Variants in MALRD1 observed in about 807,000 individuals in gnomAD.
MALRD1 encodes MAM and LDL receptor class A domain containing 1.
A neutral mutation model predicts 242.1 loss-of-function variants in MALRD1; 247 were observed. The ratio of observed to expected loss-of-function variants is 1.02; its 90% CI spans 0.92 to 1.13. The LOEUF (loss-of-function observed/expected upper bound fraction) is 1.13, where lower values mean the gene tolerates loss of function less well. Ranked by LOEUF, MALRD1 falls within the 50% of genes most tolerant of loss-of-function variation. The probability of loss-of-function intolerance (pLI) is 0.00; values close to 1 mark genes in which losing one functional copy is unlikely to be tolerated. For synonymous variants in MALRD1, 995 were observed against 866.6 expected (o/e 1.15, Z -2.60); for missense variants, 2,989 against 2,533.1 (o/e 1.18, Z -3.86).
Position 19,517,688 on chromosome 10 carries a change from G to A in MALRD1, c.5321-13506G>A, listed in dbSNP as rs141343316. Among the ~76,000 whole-genome samples the A allele has an allele frequency of 1.2e-3, 183 of 152,230 alleles. 2 individuals are homozygous for A. The highest frequency in any genetic ancestry group is 0.011 in the Admixed American group (163 of 15,296). ...TACCTATTGGATCCAGTCCAGTTTT[G>A]TTATGAAGTTCAGTATGAGCCTGGG... is the stretch of plus-strand genomic sequence containing the variant. On this transcript the variant is annotated intron_variant, in intron 31 of 39. Coordinates refer to ENST00000454679, the MANE Select transcript of MALRD1 (RefSeq NM_001142308.3).
In MALRD1 at chr10:19,595,247, T is replaced by G; in HGVS notation, c.5734T>G (p.Tyr1912Asp). Residue 1912 changes from tyrosine to aspartate, a missense_variant, in exon 34 of 40, where the codon TAC (tyrosine) becomes GAC (aspartate). By Grantham distance (160) the Tyr-to-Asp change is radical. Transcript: ENST00000454679. ...TGAAGCTGATCAGTTTTCTTGTATC[T>G]ACACACTCCAATGTGTCCCTCTCTC... ...PCEADQFSCI[Y>D]TLQCVPLSGK... The G allele has an allele frequency of 6.4e-7, 1 of 1,550,584 alleles. No individual in the cohort carries two copies. Among genetic ancestry groups the G allele is most frequent in the Admixed American group, 2.0e-5 (1 of 50,992 alleles).
chr10:19,284,532 G>A (rs1273173919), intron 21 of MALRD1, among the ~76,000 whole-genome samples: 9 of 151,082 alleles, frequency 6.0e-5, no homozygotes, highest in Non-Finnish European at 4.4e-5. Context: ...ATAGTTTACT[G>A]AGAATGATGG....
chr10:19,244,429 G>A (rs1838948657), intron 18 of MALRD1, among the ~76,000 whole-genome samples: 1 of 152,044 alleles, frequency 6.6e-6, no homozygotes, highest in East Asian at 1.9e-4. Flanking sequence ...ATATTAGCTG[G>A]ATATGGTGGC....
chr10:19,500,061 C>T (rs1837901992), intron 31 of MALRD1, among the ~76,000 whole-genome samples: 1 of 152,036 alleles, frequency 6.6e-6, no homozygotes, highest in African/African-American at 2.4e-5. Flanking sequence ...GGGATATTGG[C>T]CTGTAGTTTA....
At chr10:19,463,666 C>T (rs1836064861) in intron 29 of MALRD1, among the ~76,000 whole-genome samples, 1 of 151,912 alleles carries the variant, frequency 6.6e-6, no homozygotes, top group South Asian at 2.1e-4. Context: ...AACTGTGCTG[C>T]TATAAACATG....
intron 14 of MALRD1, among the ~76,000 whole-genome samples, chr10:19,178,141 C>A (rs1280522597): frequency 3.9e-5 from 6 of 152,100 alleles, no homozygotes; most frequent in Non-Finnish European, 8.8e-5. Context: ...ATGGAGAATT[C>A]TTTTCTTAAA....
intron 31 of MALRD1, among the ~76,000 whole-genome samples, chr10:19,499,523 G>A (rs1312602136): frequency 6.6e-6 from 1 of 151,902 alleles, no homozygotes; most frequent in Non-Finnish European, 1.5e-5. Flanking sequence ...CTGCACCATG[G>A]GCTTTTATGG....
chr10:19,545,135 C>G (rs996877196), intron 32 of MALRD1, among the ~76,000 whole-genome samples: 2 of 152,176 alleles, frequency 1.3e-5, no homozygotes, highest in African/African-American at 4.8e-5. Context: ...CTCACAAGGT[C>G]TTCCCTCTAT....
At position 19,620,168 on chromosome 10, in the gene MALRD1, A is replaced by T. The variant is rs565468832; in HGVS notation, c.6137+4245A>T. Among the ~76,000 whole-genome samples the T allele has an allele frequency of 7.6e-4, 116 of 151,982 alleles. 1 individual carries two copies. Among genetic ancestry groups the T allele is most frequent in the African/African-American group, 2.4e-3 (98 of 41,466 alleles). The stretch of plus-strand genomic sequence containing the variant: ...TTTAAGGAGGAGAGGTACATTTAAA[A>T]TTTTTTTTACTTATTTATTAACTTT... On this transcript the variant is annotated intron_variant, in intron 36 of 39. Transcript: ENST00000454679.
chr10:19,088,168 A>C lies in MALRD1; in HGVS notation c.580A>C (p.Ser194Arg). 1 of 1,233,370 alleles carries C rather than the reference A, an allele frequency of 8.1e-7. No homozygotes were observed. The highest frequency in any genetic ancestry group is 4.1e-5 in the South Asian group (1 of 24,410). 76.4% of individuals were successfully genotyped at this position (1,233,370 alleles called of 1,614,324 possible). A position where few individuals can be genotyped will look rare whatever the true frequency, so the allele number is the denominator to read the frequency against. ...QWERNVIKIQ[S>R]SQRFQVVFEG... ...GGAGAGAAATGTCATCAAAATCCAG[A>C]GTTCACAGAGATTTCAGGTATGTGT... Residue 194 changes from serine to arginine, a missense_variant, in exon 4 of 40, where the codon AGT becomes CGT. Ser to Arg is a moderately radical substitution (Grantham distance 110). Transcript: ENST00000454679.
At chr10:19,654,234 TAA>T (rs34735994) in intron 36 of MALRD1, among the ~76,000 whole-genome samples, 63,970 of 151,816 alleles carry the variant, frequency 0.42, 14,153 homozygotes, top group Non-Finnish European at 0.5. Context: ...ATTTGATGGA[TAA>T]AAGACTAAGC....
chr10:19,637,437 T>C (rs554001832), intron 36 of MALRD1, among the ~76,000 whole-genome samples: 1 of 152,268 alleles, frequency 6.6e-6, no homozygotes, highest in East Asian at 1.9e-4. Context: ...TCAAGTTGAT[T>C]AATTGTCACC....
At chr10:19,131,319 T>TG (rs1833094589) in intron 8 of MALRD1, among the ~76,000 whole-genome samples, 1 of 152,172 alleles carries the variant, frequency 6.6e-6, no homozygotes, top group South Asian at 2.1e-4. Flanking sequence ...TGCTGAAGGT[T>TG]GTTTTCTTTA....
At chr10:19,542,229 G>C (rs567960545) in intron 32 of MALRD1, among the ~76,000 whole-genome samples, 1 of 151,898 alleles carries the variant, frequency 6.6e-6, no homozygotes, top group Non-Finnish European at 1.5e-5. Context: ...TGGAAGTCTC[G>C]GTCTGAAGCT....
At chr10:19,587,071 C>T (rs924138229) in intron 33 of MALRD1, among the ~76,000 whole-genome samples, 3 of 152,236 alleles carry the variant, frequency 2.0e-5, no homozygotes, top group Non-Finnish European at 2.9e-5. Flanking sequence ...GGCAATGCCT[C>T]GCCCTGCTTC....
intron 21 of MALRD1, among the ~76,000 whole-genome samples, chr10:19,305,771 AC>A (rs1389019059): frequency 2.1e-5 from 3 of 143,566 alleles, no homozygotes; most frequent in African/African-American, 7.6e-5. Context: ...ATATATATAC[AC>A]TATACTATAT....
chr10:19,572,139 T>C (rs571302646), intron 33 of MALRD1, among the ~76,000 whole-genome samples: 44 of 152,308 alleles, frequency 2.9e-4, no homozygotes, highest in Middle Eastern at 3.4e-3. Flanking sequence ...CATTATTACT[T>C]CTCTGTCCTA....
intron 34 of MALRD1, among the ~76,000 whole-genome samples, chr10:19,602,343 C>G (rs993385138): frequency 7.9e-6 from 1 of 127,032 alleles, no homozygotes; most frequent in Non-Finnish European, 1.6e-5. Context: ...TATCCCTCCC[C>G]CCTCCCCCCA....
chr10:19,342,424 A>G (rs1472842136), intron 24 of MALRD1, among the ~76,000 whole-genome samples: 1 of 152,168 alleles, frequency 6.6e-6, no homozygotes, highest in Admixed American at 6.6e-5. Context: ...GCCCTAGAGC[A>G]AAAACAAAGA....
Sources: gnomAD v4.1 joint callset for allele counts (sites outside exome capture counted in the v4.1 genomes callset) on GRCh38, gnomAD v4.1.1 for gene constraint, MANE v1.5 for transcripts, NCBI Gene and HGNC (gene_info 2026-07-23, HGNC 2026-07-21) for gene names.